Variants in AP3B1 observed in about 807,000 individuals in gnomAD.
AP3B1 encodes the protein adaptor related protein complex 3 subunit beta 1, also known as AP-3 complex subunit beta-1.
Under a neutral mutation model 132.5 loss-of-function variants are expected in AP3B1, and 61 were observed. That is an observed-to-expected ratio of 0.46 (90% CI 0.37 to 0.57). The LOEUF is 0.57. Ranked by LOEUF, AP3B1 falls within the 20% of genes least tolerant of loss-of-function variation. The pLI is 0.00. For synonymous variants in AP3B1, 388 were observed against 438.3 expected (o/e 0.89, Z 1.43); for missense variants, 1,120 against 1,289.4 (o/e 0.87, Z 2.01).
intron 21 of AP3B1, among the ~76,000 whole-genome samples, chr5:78,099,032 T>C (rs1405643681): frequency 1.3e-5 from 2 of 152,232 alleles, no homozygotes; most frequent in African/African-American, 4.8e-5. Flanking sequence ...AATTAGGTTA[T>C]AGGGGTTCTA....
At chr5:78,246,089 C>A (rs937718348) in intron 2 of AP3B1, among the ~76,000 whole-genome samples, 3 of 152,154 alleles carry the variant, frequency 2.0e-5, no homozygotes, top group African/African-American at 7.2e-5. Context: ...AGCTTCTACC[C>A]AAGGTAGAGA....
chr5:78,170,811 C>T (rs1457770585), intron 11 of AP3B1, among the ~76,000 whole-genome samples: 5 of 152,184 alleles, frequency 3.3e-5, no homozygotes, highest in Non-Finnish European at 5.9e-5. Flanking sequence ...CTTGCCCATG[C>T]CTATGTCCTC....
At chr5:78,105,508 A>G (rs922328641) in intron 20 of AP3B1, among the ~76,000 whole-genome samples, 1 of 152,140 alleles carries the variant, frequency 6.6e-6, no homozygotes, top group African/African-American at 2.4e-5. Flanking sequence ...TTCCTGACAC[A>G]ATGTGGTCTA....
intron 21 of AP3B1, among the ~76,000 whole-genome samples, chr5:78,091,851 G>T (rs1750530879): frequency 1.3e-5 from 2 of 152,156 alleles, no homozygotes; most frequent in South Asian, 4.2e-4. Flanking sequence ...TGGGAGTAGG[G>T]AAGAATTTAC....
intron 17 of AP3B1, among the ~76,000 whole-genome samples, chr5:78,126,205 T>C (rs1448139360): frequency 6.6e-6 from 1 of 151,858 alleles, no homozygotes; most frequent in African/African-American, 2.4e-5. Flanking sequence ...TAGTATCTGA[T>C]CAAAAGTTGC....
Position 78,162,769 on chromosome 5 carries a change from G to T in AP3B1, c.1363+50C>A, listed in dbSNP as rs752063860. 9 of 1,598,534 alleles carry T rather than the reference G, an allele frequency of 5.6e-6. No homozygotes were observed. In the South Asian group the frequency reaches 9.9e-5, roughly 18 times the overall value. Reference sequence around the variant, plus strand: ...GGTTACAACTTGGAAATAATACCAAGAATATTCAAATTTAAATCACCTGAA... The same window carrying T: ...GGTTACAACTTGGAAATAATACCAATAATATTCAAATTTAAATCACCTGAA... On this transcript the variant is annotated intron_variant, in intron 13 of 26. Coordinates refer to ENST00000255194, the MANE Select transcript of AP3B1 (RefSeq NM_003664.5).
chr5:78,233,773 C>A (rs1369109784), intron 3 of AP3B1, among the ~76,000 whole-genome samples: 2 of 152,054 alleles, frequency 1.3e-5, no homozygotes, highest in South Asian at 2.1e-4. Context: ...GAAAGTAAGG[C>A]TCAGAGGTTT....
chr5:78,148,297 T>G (rs1378111160), intron 14 of AP3B1, among the ~76,000 whole-genome samples: 1 of 152,144 alleles, frequency 6.6e-6, no homozygotes, highest in Non-Finnish European at 1.5e-5. Context: ...TTTAACTAAA[T>G]TTTGCACAAG....
At chr5:78,055,024 C>G (rs762650990) in intron 22 of AP3B1, among the ~76,000 whole-genome samples, 35 of 83,384 alleles carry the variant, frequency 4.2e-4, no homozygotes, top group African/African-American at 1.8e-3. Flanking sequence ...CAGACACACA[C>G]ACACACACAC....
intron 11 of AP3B1, among the ~76,000 whole-genome samples, chr5:78,168,232 T>TC (rs1323931911): frequency 7.2e-6 from 1 of 138,360 alleles, no homozygotes; most frequent in Non-Finnish European, 1.6e-5. Context: ...TTTTCTTTTT[T>TC]TTTTTTTTTG....
chr5:78,178,932 T>C (rs1714235290), intron 8 of AP3B1, among the ~76,000 whole-genome samples: 1 of 152,136 alleles, frequency 6.6e-6, no homozygotes, highest in African/African-American at 2.4e-5. Flanking sequence ...TTTTTAAAAA[T>C]ACAGTATACA....
At chr5:78,135,384 A>C (rs1303785755) in intron 15 of AP3B1, among the ~76,000 whole-genome samples, 1 of 152,194 alleles carries the variant, frequency 6.6e-6, no homozygotes, top group African/African-American at 2.4e-5. Flanking sequence ...ACTCACAAAA[A>C]CAACCATACA....
At chr5:78,215,314 G>A (rs867389131) in intron 7 of AP3B1, among the ~76,000 whole-genome samples, 1 of 151,128 alleles carries the variant, frequency 6.6e-6, no homozygotes, top group African/African-American at 2.4e-5. Flanking sequence ...CAACATTTAA[G>A]GATTTATTTA....
chr5:78,188,875 C>T (rs1561466444), intron 7 of AP3B1, among the ~76,000 whole-genome samples: 1 of 152,114 alleles, frequency 6.6e-6, no homozygotes. Context: ...GGTGCATATA[C>T]ACCATGGAAT....
At chr5:78,179,532 CAA>C (rs1424647849) in intron 8 of AP3B1, among the ~76,000 whole-genome samples, 1 of 152,082 alleles carries the variant, frequency 6.6e-6, no homozygotes, top group African/African-American at 2.4e-5. Context: ...CTTCAAAATC[CAA>C]AAAGACTAAA....
chr5:78,123,234 C>T (rs902213640), intron 17 of AP3B1, among the ~76,000 whole-genome samples: 2 of 152,078 alleles, frequency 1.3e-5, no homozygotes, highest in African/African-American at 2.4e-5. Flanking sequence ...GATCTAAAAC[C>T]ATAAAAACCC....
At chr5:78,229,799 G>C (rs1202825327) in intron 3 of AP3B1, among the ~76,000 whole-genome samples, 1 of 151,986 alleles carries the variant, frequency 6.6e-6, no homozygotes, top group Non-Finnish European at 1.5e-5. Flanking sequence ...CACAAGAAAT[G>C]AGGGGAAAAA....
chr5:78,002,815 G>C lies in AP3B1; in HGVS notation c.*87C>G. ...ATTCTACCCCCACTGCCAGATGGAA[G>C]GGCTATTATTATAAATGAAAGGCAG... is the stretch of plus-strand genomic sequence containing the variant. On this transcript the variant is annotated 3_prime_UTR_variant, in exon 27 of 27. Transcript: ENST00000255194. 4.1e-6 allele frequency: 6 copies of C among 1,452,580 alleles called. No individual in the cohort carries two copies. In the South Asian group the frequency reaches 5.7e-5, roughly 14 times the overall value. 90.0% of individuals were successfully genotyped at this position (1,452,580 alleles called of 1,614,324 possible). A position where few individuals can be genotyped will look rare whatever the true frequency, so the allele number is the denominator to read the frequency against.
Position 78,268,173 on chromosome 5 carries a change from A to C in AP3B1, c.129-578T>G, listed in dbSNP as rs562565863. On this transcript the variant is annotated intron_variant, in intron 1 of 26. Coordinates refer to ENST00000255194, the MANE Select transcript of AP3B1 (RefSeq NM_003664.5). The stretch of plus-strand genomic sequence containing the variant: ...AACATACAACTACTACACATACTAT[A>C]AATGTTCACCTTAAGGAATTTAGGA... 8.5e-5 allele frequency among the ~76,000 whole-genome samples: 13 copies of C among 152,338 alleles called. 1 individual carries two copies. The South Asian group carries it at 2.5e-3, about 29-fold the overall frequency.
Sources: allele counts gnomAD v4.1 joint callset (sites outside exome capture counted in the v4.1 genomes callset), GRCh38; gene constraint gnomAD v4.1.1; transcripts MANE v1.5; gene names NCBI Gene and HGNC (gene_info 2026-07-23, HGNC 2026-07-21).